LURAP1L: variants seen among roughly 807,000 people sequenced by gnomAD.
LURAP1L encodes the protein leucine rich adaptor protein 1-like.
Under a neutral mutation model 13.8 loss-of-function variants are expected in LURAP1L, and 12 were observed. The observed-to-expected ratio is 0.87, with a 90% confidence interval of 0.56 to 1.41. The LOEUF is 1.41. Among genes scored for constraint, LURAP1L ranks in the 40% most tolerant of loss-of-function variants. The probability of loss-of-function intolerance (pLI) is 0.00; values close to 1 mark genes in which losing one functional copy is unlikely to be tolerated. For synonymous variants in LURAP1L, 139 were observed against 119.2 expected (o/e 1.17, Z -1.08); for missense variants, 375 against 292.9 (o/e 1.28, Z -2.04).
chr9:12,821,208 TTTA>T lies in LURAP1L; in HGVS notation c.313-173_313-171del, dbSNP rs528507206. On this transcript the variant is annotated intron_variant, in intron 1 of 1. Transcript: ENST00000319264. ...TGCATCTGGCAGGAAGTGAGTTTTT[TTTA>T]TTATAACTCCTACCATCAGTCAGCA... 7.8e-4 allele frequency among the ~76,000 whole-genome samples: 119 copies of T among 152,266 alleles called. 2 individuals carry two copies. Among genetic ancestry groups the T allele is most frequent in the African/African-American group, 2.5e-3 (102 of 41,550 alleles).
intron 1 of LURAP1L, among the ~76,000 whole-genome samples, chr9:12,785,198 C>T (rs1819332734): frequency 6.6e-6 from 1 of 152,052 alleles, no homozygotes; most frequent in African/African-American, 2.4e-5. Context: ...CAGGACTCTG[C>T]TTGGTGTTTT....
chr9:12,806,969 A>T (rs922341347), intron 1 of LURAP1L, among the ~76,000 whole-genome samples: 1 of 141,666 alleles, frequency 7.1e-6, no homozygotes, highest in Admixed American at 7.9e-5. Context: ...AATGAGTCTA[A>T]ACCATCGCGC....
chr9:12,787,928 A>G (rs941386157), intron 1 of LURAP1L, among the ~76,000 whole-genome samples: 3 of 152,016 alleles, frequency 2.0e-5, no homozygotes, highest in Admixed American at 6.6e-5. Flanking sequence ...CCTGGCCAAC[A>G]TGGTGAAACC....
intron 1 of LURAP1L, among the ~76,000 whole-genome samples, chr9:12,807,096 T>A (rs1445415712): frequency 6.0e-5 from 5 of 83,150 alleles, no homozygotes; most frequent in African/African-American, 2.0e-4. Flanking sequence ...TCTACTAAAA[T>A]ATATATATAT....
At chr9:12,777,706 C>A (rs1819210493) in intron 1 of LURAP1L, 3 of 367,232 alleles carry the variant, frequency 8.2e-6, no homozygotes, top group Non-Finnish European at 1.1e-5. Context: ...ACCGATGAAC[C>A]CCACCCTGTC....
chr9:12,812,915 T>C (rs1304636294), intron 1 of LURAP1L, among the ~76,000 whole-genome samples: 1 of 152,182 alleles, frequency 6.6e-6, no homozygotes, highest in African/African-American at 2.4e-5. Flanking sequence ...CAATGCTGAG[T>C]CATTTATATT....
At chr9:12,804,661 T>C (rs1404232307) in intron 1 of LURAP1L, among the ~76,000 whole-genome samples, 1 of 152,040 alleles carries the variant, frequency 6.6e-6, no homozygotes, top group Non-Finnish European at 1.5e-5. Flanking sequence ...TTTGATTCTA[T>C]CAAAAAAATT....
chr9:12,783,339 G>A (rs1819301462), intron 1 of LURAP1L, among the ~76,000 whole-genome samples: 1 of 151,964 alleles, frequency 6.6e-6, no homozygotes, highest in Non-Finnish European at 1.5e-5. Context: ...ACCAGCTGTA[G>A]GTCTGTTTAT....
intron 1 of LURAP1L, among the ~76,000 whole-genome samples, chr9:12,786,854 T>C (rs1439005232): frequency 1.3e-5 from 2 of 151,858 alleles, no homozygotes; most frequent in Non-Finnish European, 2.9e-5. Flanking sequence ...AGTTAAATGA[T>C]TGGGAAGGCA....
At chr9:12,800,472 C>A (rs1819569972) in intron 1 of LURAP1L, among the ~76,000 whole-genome samples, 1 of 151,432 alleles carries the variant, frequency 6.6e-6, no homozygotes, top group Non-Finnish European at 1.5e-5. Flanking sequence ...ACTGGGATAC[C>A]ATTTACTACA....
intron 1 of LURAP1L, 74 bp from the exon 2 acceptor site, chr9:12,821,312 A>T (rs1014180454): frequency 8.8e-6 from 13 of 1,478,586 alleles, no homozygotes; most frequent in Non-Finnish European, 1.2e-5. Context: ...TGCAGCAGAC[A>T]GTCCCCAGAT....
chr9:12,789,593 T>A (rs1819411750), intron 1 of LURAP1L, among the ~76,000 whole-genome samples: 1 of 152,166 alleles, frequency 6.6e-6, no homozygotes, highest in South Asian at 2.1e-4. Flanking sequence ...GGTGAATTAA[T>A]AACCAATTGA....
At chr9:12,797,616 T>C (rs955728490) in intron 1 of LURAP1L, among the ~76,000 whole-genome samples, 4 of 152,144 alleles carry the variant, frequency 2.6e-5, no homozygotes, top group Non-Finnish European at 5.9e-5. Context: ...GAGCTTTTAT[T>C]ATTGTAACTT....
intron 1 of LURAP1L, among the ~76,000 whole-genome samples, chr9:12,789,925 A>G (rs1048519503): frequency 2.0e-5 from 3 of 152,192 alleles, no homozygotes; most frequent in Non-Finnish European, 4.4e-5. Flanking sequence ...TTAGTCTTAT[A>G]CAATTTTTTA....
At position 12,822,368 on chromosome 9, in the gene LURAP1L, G is replaced by A. The variant is rs557873956; in HGVS notation, c.*608G>A. Among the ~76,000 whole-genome samples, 2 of 152,082 alleles carry A rather than the reference G, an allele frequency of 1.3e-5. No homozygotes were observed. Among genetic ancestry groups the A allele is most frequent in the Admixed American group, 6.6e-5 (1 of 15,260 alleles). On this transcript the variant is annotated 3_prime_UTR_variant, in exon 2 of 2. Coordinates refer to ENST00000319264, the MANE Select transcript of LURAP1L (RefSeq NM_203403.2). ...GTTCAACCAACTCACCCTTGTGTTG[G>A]TACTTTAGATTAACATTTTGTCATC...
chr9:12,809,065 C>T (rs569111051), intron 1 of LURAP1L, among the ~76,000 whole-genome samples: 3 of 152,150 alleles, frequency 2.0e-5, no homozygotes, highest in East Asian at 1.9e-4. Context: ...GGGAAAGTGA[C>T]GAGATACCAC....
intron 1 of LURAP1L, among the ~76,000 whole-genome samples, chr9:12,776,745 G>A (rs1046731814): frequency 4.6e-5 from 7 of 152,072 alleles, no homozygotes; most frequent in African/African-American, 1.7e-4. Context: ...TCTCCCTCAA[G>A]TCTCAATCTG....
chr9:12,783,884 G>C (rs1210926604), intron 1 of LURAP1L, among the ~76,000 whole-genome samples: 2 of 91,876 alleles, frequency 2.2e-5, no homozygotes, highest in Non-Finnish European at 4.6e-5. Context: ...CTTTTATTTT[G>C]TCTCCCTCAC....
chr9:12,806,312 C>T lies in LURAP1L; in HGVS notation c.313-15074C>T, dbSNP rs372357501. Among the ~76,000 whole-genome samples, 63 of 151,920 alleles carry T rather than the reference C, an allele frequency of 4.1e-4. 1 individual carries two copies. Among genetic ancestry groups the T allele is most frequent in the African/African-American group, 1.3e-3 (55 of 41,440 alleles). ...TTTTCTCAGGAAAATCATATGAATT[C>T]GTTTTCTAGTATACATATTAAATTA... On this transcript the variant is annotated intron_variant, in intron 1 of 1. Transcript: ENST00000319264.
Sources: gnomAD v4.1 joint callset for allele counts (sites outside exome capture counted in the v4.1 genomes callset) on GRCh38, gnomAD v4.1.1 for gene constraint, MANE v1.5 for transcripts, NCBI Gene and HGNC (gene_info 2026-07-23, HGNC 2026-07-21) for gene names.